MED13L: variants seen among roughly 807,000 people sequenced by gnomAD.
MED13L encodes the protein mediator of RNA polymerase II transcription subunit 13-like.
MED13L carries 7 observed loss-of-function variants against 220.9 expected under a neutral mutation model. That is an observed-to-expected ratio of 0.03 (90% CI 0.02 to 0.06). The LOEUF (loss-of-function observed/expected upper bound fraction) is 0.06. Ranked by LOEUF, MED13L falls within the 10% of genes least tolerant of loss-of-function variation. MED13L has a pLI of 1.00. For missense variants in MED13L, 1,965 were observed against 2,760.5 expected, an observed-to-expected ratio of 0.71 and a Z score of 6.46; for synonymous variants, 1,011 against 1,015.2, an observed-to-expected ratio of 1.00 and a Z score of 0.08.
At chr12:116,275,070 C>G (rs1190059310) in intron 1 of MED13L, among the ~76,000 whole-genome samples, 2 of 151,822 alleles carry the variant, frequency 1.3e-5, no homozygotes, top group Non-Finnish European at 2.9e-5. Context: ...TCTACAGAAT[C>G]CGTATATACA....
At chr12:116,274,441 C>G (rs1873649308) in intron 1 of MED13L, among the ~76,000 whole-genome samples, 1 of 150,172 alleles carries the variant, frequency 6.7e-6, no homozygotes, top group South Asian at 2.1e-4. Context: ...AAAAAAAACC[C>G]TGCAGGCCAA....
chr12:115,986,868 G>T (rs1877723913), intron 18 of MED13L, among the ~76,000 whole-genome samples: 1 of 152,150 alleles, frequency 6.6e-6, no homozygotes, highest in East Asian at 1.9e-4. Flanking sequence ...AAAATGAGGA[G>T]AATCTAAAAA....
chr12:116,190,948 C>G (rs1881232859), intron 2 of MED13L, among the ~76,000 whole-genome samples: 1 of 151,778 alleles, frequency 6.6e-6, no homozygotes, highest in Non-Finnish European at 1.5e-5. Flanking sequence ...AAAAATTAGT[C>G]GGGCGTGGTG....
At chr12:116,078,710 A>G (rs536171913) in intron 4 of MED13L, among the ~76,000 whole-genome samples, 1 of 152,326 alleles carries the variant, frequency 6.6e-6, no homozygotes, top group African/African-American at 2.4e-5. Flanking sequence ...CATATACCCT[A>G]CAAAGCCAAA....
At chr12:116,139,219 C>A (rs1876842954) in intron 2 of MED13L, among the ~76,000 whole-genome samples, 1 of 152,170 alleles carries the variant, frequency 6.6e-6, no homozygotes, top group Non-Finnish European at 1.5e-5. Context: ...GCCAACATTT[C>A]ACGGTTTGAA....
intron 26 of MED13L, among the ~76,000 whole-genome samples, chr12:115,971,637 C>A (rs1876592321): frequency 6.6e-6 from 1 of 152,172 alleles, no homozygotes; most frequent in African/African-American, 2.4e-5. Flanking sequence ...CCTTGTTTGC[C>A]TTCCCATTCA....
intron 2 of MED13L, among the ~76,000 whole-genome samples, chr12:116,194,955 T>A (rs1881525525): frequency 6.6e-6 from 1 of 152,156 alleles, no homozygotes; most frequent in East Asian, 1.9e-4. Context: ...AGGCTCTGGT[T>A]TCAGAAGGAA....
chr12:115,990,878 A>G, intron 17 of MED13L, 142 bp downstream of exon 17: 1 of 830,594 alleles, frequency 1.2e-6, no homozygotes, highest in South Asian at 1.6e-5. Flanking sequence ...GATAAAATCA[A>G]TACAGCTCTC....
chr12:116,148,522 GA>G (rs1243282857), intron 2 of MED13L: 12 of 325,060 alleles, frequency 3.7e-5, no homozygotes, highest in South Asian at 8.1e-5. Context: ...TAAAATCACT[GA>G]AAAAGTGATG....
At chr12:115,992,535 T>G (rs1373256895) in intron 16 of MED13L, among the ~76,000 whole-genome samples, 1 of 152,220 alleles carries the variant, frequency 6.6e-6, no homozygotes, top group Non-Finnish European at 1.5e-5. Context: ...CAGCCCTATC[T>G]AGGCTTACAT....
chr12:116,047,212 G>A (rs1306395607), intron 4 of MED13L, among the ~76,000 whole-genome samples: 2 of 152,092 alleles, frequency 1.3e-5, no homozygotes, highest in Admixed American at 6.5e-5. Context: ...AAATTGGCCA[G>A]GCCTGGTAGC....
At chr12:116,006,126 C>T in intron 12 of MED13L, 133 bp from the exon 13 acceptor site, 2 of 1,373,574 alleles carry the variant, frequency 1.5e-6, no homozygotes, top group Non-Finnish European at 2.0e-6. Flanking sequence ...AATTTAGAGA[C>T]AATTATTTCC....
At chr12:116,020,978 A>C (rs898470894) in intron 5 of MED13L, among the ~76,000 whole-genome samples, 2 of 152,148 alleles carry the variant, frequency 1.3e-5, no homozygotes, top group African/African-American at 2.4e-5. Flanking sequence ...GCTGTTCCTC[A>C]ATGATCCAAA....
chr12:116,150,892 A>G (rs974748718), intron 2 of MED13L, among the ~76,000 whole-genome samples: 3 of 152,112 alleles, frequency 2.0e-5, no homozygotes, highest in Admixed American at 2.0e-4. Flanking sequence ...TGTAAATGCA[A>G]CCTATAATAT....
chr12:116,204,082 T>C (rs998962420), intron 2 of MED13L, among the ~76,000 whole-genome samples: 2 of 152,204 alleles, frequency 1.3e-5, no homozygotes, highest in African/African-American at 4.8e-5. Flanking sequence ...CATACCACAA[T>C]AGCTACTGAT....
At chr12:116,071,416 G>T (rs901110639) in intron 4 of MED13L, among the ~76,000 whole-genome samples, 1 of 152,102 alleles carries the variant, frequency 6.6e-6, no homozygotes, top group Non-Finnish European at 1.5e-5. Flanking sequence ...TGCTTTTGTT[G>T]TTGTTTTTGT....
At position 115,960,092 on chromosome 12, in the gene MED13L, A is replaced by T. The variant is rs1875666308; in HGVS notation, c.*1174T>A. Reference sequence around the variant, plus strand: ...TAATGCTTTAAAAAGGCATTTTTTTAAAAAGTCCCACCACAAAGGCTCAAC... The same window carrying T: ...TAATGCTTTAAAAAGGCATTTTTTTTAAAAGTCCCACCACAAAGGCTCAAC... On this transcript the variant is annotated 3_prime_UTR_variant, in exon 31 of 31. Transcript: ENST00000281928. The T allele has an allele frequency of 6.6e-6, 1 of 152,610 alleles. No homozygotes were observed. The highest frequency in any genetic ancestry group is 2.4e-5 in the African/African-American group (1 of 41,446). The allele number at this position is 152,610 out of a possible 1,614,324, so 9.5% of individuals were successfully genotyped here.
chr12:116,187,126 C>T (rs1437007952), intron 2 of MED13L, among the ~76,000 whole-genome samples: 1 of 152,192 alleles, frequency 6.6e-6, no homozygotes, highest in East Asian at 1.9e-4. Context: ...TCACCGATTC[C>T]AGGCTATTAC....
chr12:116,097,124 T>C (rs911458065), intron 3 of MED13L, among the ~76,000 whole-genome samples: 1 of 152,106 alleles, frequency 6.6e-6, no homozygotes, highest in Non-Finnish European at 1.5e-5. Flanking sequence ...TTCAGAGATA[T>C]TCATCCAAGC....
Sources: allele counts gnomAD v4.1 joint callset (sites outside exome capture counted in the v4.1 genomes callset), GRCh38; gene constraint gnomAD v4.1.1; transcripts MANE v1.5; gene names NCBI Gene and HGNC (gene_info 2026-07-23, HGNC 2026-07-21).